MGAT4C: variants seen among roughly 807,000 people sequenced by gnomAD.
MGAT4C encodes MGAT4 family member C.
In MGAT4C, 19 loss-of-function variants were observed where a neutral mutation model predicts 40.1. That is an observed-to-expected ratio of 0.47 (90% CI 0.33 to 0.70). The LOEUF (loss-of-function observed/expected upper bound fraction) is 0.70, where lower values mean the gene tolerates loss of function less well. Ranked by LOEUF, MGAT4C falls within the 30% of genes least tolerant of loss-of-function variation. The pLI, the probability that MGAT4C is intolerant of heterozygous loss-of-function variation, is 0.02. For missense variants in MGAT4C, 491 were observed against 563.2 expected, an observed-to-expected ratio of 0.87 and a Z score of 1.30; for synonymous variants, 181 against 187.1, an observed-to-expected ratio of 0.97 and a Z score of 0.27.
intron 2 of MGAT4C, among the ~76,000 whole-genome samples, chr12:86,459,416 G>T (rs1050587537): frequency 1.3e-5 from 2 of 151,870 alleles, no homozygotes; most frequent in African/African-American, 2.4e-5. Flanking sequence ...GCAGGCATTT[G>T]CAGTTTACAA....
chr12:86,818,176 C>T (rs561697369), intron 1 of MGAT4C, among the ~76,000 whole-genome samples: 3 of 151,230 alleles, frequency 2.0e-5, no homozygotes, highest in African/African-American at 4.8e-5. Context: ...CAACATAAGA[C>T]AAAATTTCCA....
intron 1 of MGAT4C, among the ~76,000 whole-genome samples, chr12:86,788,563 C>T (rs1443603608): frequency 6.6e-6 from 1 of 152,022 alleles, no homozygotes; most frequent in Non-Finnish European, 1.5e-5. Flanking sequence ...TCAAAAAATT[C>T]CTTTTGTTTT....
intron 1 of MGAT4C, among the ~76,000 whole-genome samples, chr12:86,254,098 G>C (rs1285770581): frequency 6.6e-6 from 1 of 151,920 alleles, no homozygotes; most frequent in African/African-American, 2.4e-5. Flanking sequence ...GCAGAGAATA[G>C]GGCAGTACAA....
intron 2 of MGAT4C, among the ~76,000 whole-genome samples, chr12:86,552,860 C>A (rs1208510477): frequency 6.6e-6 from 1 of 151,942 alleles, no homozygotes; most frequent in Non-Finnish European, 1.5e-5. Flanking sequence ...ATGTTTTAGG[C>A]TGATGTAATT....
Position 86,804,797 on chromosome 12 carries a change from C to T in MGAT4C, c.-262+33869G>A, listed in dbSNP as rs575322221. Among the ~76,000 whole-genome samples, 12 of 152,070 alleles carry T rather than the reference C, an allele frequency of 7.9e-5. No individual in the cohort carries two copies. In the East Asian group the frequency reaches 2.3e-3, roughly 30 times the overall value. The stretch of plus-strand genomic sequence containing the variant: ...CCTATATAGAAAGGCAAACTTATGG[C>T]ACATTTTTAAAGAAAAATTTTGAGA... On this transcript the variant is annotated intron_variant, in intron 1 of 7. Coordinates refer to the MGAT4C transcript ENST00000548651.
intron 1 of MGAT4C, among the ~76,000 whole-genome samples, chr12:86,210,388 T>TA (rs1213872975): frequency 4.6e-5 from 7 of 152,200 alleles, no homozygotes; most frequent in Non-Finnish European, 8.8e-5. Flanking sequence ...TATTTCACTA[T>TA]AAAAAAACTG....
chr12:86,050,595 A>C (rs927031012), intron 1 of MGAT4C, among the ~76,000 whole-genome samples: 7 of 152,034 alleles, frequency 4.6e-5, no homozygotes, highest in African/African-American at 1.7e-4. Flanking sequence ...TTCAGACAAG[A>C]GTCAACTGTG....
chr12:86,684,830 G>A (rs1323332632), intron 2 of MGAT4C, among the ~76,000 whole-genome samples: 2 of 151,708 alleles, frequency 1.3e-5, no homozygotes, highest in African/African-American at 4.8e-5. Context: ...CACATAAATG[G>A]CTTCTTTTGA....
chr12:86,515,104 T>C (rs1381152852), intron 2 of MGAT4C, among the ~76,000 whole-genome samples: 1 of 152,182 alleles, frequency 6.6e-6, no homozygotes, highest in African/African-American at 2.4e-5. Context: ...ATGTGGATAT[T>C]TGGGGACAAT....
At chr12:86,280,698 CT>C (rs34560267) in intron 4 of MGAT4C, among the ~76,000 whole-genome samples, 34,359 of 145,524 alleles carry the variant, frequency 0.24, 4,080 homozygotes, top group East Asian at 0.38. Context: ...AATTTCTATC[CT>C]TTTTTTTTTT....
Position 86,212,042 on chromosome 12 carries a change from A to G in MGAT4C, c.-57+44197T>C, listed in dbSNP as rs188976671. Among the ~76,000 whole-genome samples, 399 of 152,304 alleles carry G rather than the reference A, an allele frequency of 2.6e-3. 2 individuals are homozygous for G. Among genetic ancestry groups the G allele is most frequent in the Non-Finnish European group, 3.8e-3 (261 of 68,020 alleles). On this transcript the variant is annotated intron_variant, in intron 1 of 4. Coordinates refer to ENST00000611864, the MANE Select transcript of MGAT4C (RefSeq NM_001351288.2). The stretch of plus-strand genomic sequence containing the variant: ...TCTTATGCTACCTCCTAACGTTTCT[A>G]TCAAAGACAGACACTAACTGACTTT...
chr12:86,709,744 T>C (rs550379441), intron 2 of MGAT4C, among the ~76,000 whole-genome samples: 2 of 152,214 alleles, frequency 1.3e-5, no homozygotes, highest in East Asian at 1.9e-4. Context: ...TTTCTAACTA[T>C]AGATTCTGAA....
At chr12:86,603,276 ATAAT>A (rs1227964449) in intron 2 of MGAT4C, among the ~76,000 whole-genome samples, 5 of 142,782 alleles carry the variant, frequency 3.5e-5, no homozygotes, top group African/African-American at 5.1e-5. Flanking sequence ...TAATATAATT[ATAAT>A]TAATTATATA....
chr12:86,180,876 G>A (rs1262141226), intron 1 of MGAT4C, among the ~76,000 whole-genome samples: 1 of 152,104 alleles, frequency 6.6e-6, no homozygotes, highest in Non-Finnish European at 1.5e-5. Flanking sequence ...AAACCTTTGG[G>A]GGACTGTTGA....
chr12:86,238,984 T>A (rs199518868), intron 1 of MGAT4C, among the ~76,000 whole-genome samples: 2 of 152,088 alleles, frequency 1.3e-5, no homozygotes, highest in Admixed American at 1.3e-4. Context: ...TGTTTTAACA[T>A]CAAACTTGGA....
At chr12:86,504,348 A>G (rs1056052509) in intron 2 of MGAT4C, among the ~76,000 whole-genome samples, 1 of 152,196 alleles carries the variant, frequency 6.6e-6, no homozygotes, top group South Asian at 2.1e-4. Flanking sequence ...GAATATTCAT[A>G]GAAGCAATTA....
intron 2 of MGAT4C, among the ~76,000 whole-genome samples, chr12:86,561,277 CTGAG>C (rs1252970603): frequency 1.3e-5 from 2 of 152,130 alleles, no homozygotes; most frequent in Admixed American, 1.3e-4. Context: ...ATCGTTAATA[CTGAG>C]TGTCAACTTG....
At chr12:86,741,542 T>C (rs1218203327) in intron 1 of MGAT4C, among the ~76,000 whole-genome samples, 1 of 151,420 alleles carries the variant, frequency 6.6e-6, no homozygotes, top group East Asian at 1.9e-4. Flanking sequence ...ATTTTAGTTA[T>C]CTGAAGTGTA....
At chr12:86,444,491 A>G (rs1464095834) in intron 2 of MGAT4C, among the ~76,000 whole-genome samples, 1 of 152,126 alleles carries the variant, frequency 6.6e-6, no homozygotes, top group African/African-American at 2.4e-5. Flanking sequence ...TGTGCTTTAA[A>G]TATGATTCTC....
Sources: allele counts gnomAD v4.1 joint callset (sites outside exome capture counted in the v4.1 genomes callset), GRCh38; gene constraint gnomAD v4.1.1; transcripts MANE v1.5; gene names NCBI Gene and HGNC (gene_info 2026-07-23, HGNC 2026-07-21).